COL4A1: variants seen among roughly 807,000 people sequenced by gnomAD.
COL4A1 encodes the protein collagen alpha-1(IV) chain.
In COL4A1, 40 loss-of-function variants were observed where a neutral mutation model predicts 216.6. That is an observed-to-expected ratio of 0.18 (90% CI 0.14 to 0.24). The LOEUF is 0.24. COL4A1 is among the 10% of genes least tolerant of loss of function. COL4A1 has a pLI of 1.00. For synonymous variants in COL4A1, 839 were observed against 810.7 expected (o/e 1.03, Z -0.59); for missense variants, 1,628 against 2,196.8 (o/e 0.74, Z 5.18).
intron 1 of COL4A1, among the ~76,000 whole-genome samples, chr13:110,295,422 CTTTTTTTTTTTTT>C (rs5806848): frequency 2.3e-5 from 2 of 88,186 alleles, no homozygotes; most frequent in Middle Eastern, 7.1e-3. Flanking sequence ...AGTTCACTTC[CTTTTTTTTTTTTT>C]TTTTTTTTTG....
At chr13:110,212,729 C>T in intron 4 of COL4A1, 111 bp from the exon 5 acceptor site, 1 of 1,268,074 alleles carries the variant, frequency 7.9e-7, no homozygotes, top group Non-Finnish European at 1.1e-6. Context: ...TGTCAGAACA[C>T]ACACAAAGCA....
intron 2 of COL4A1, among the ~76,000 whole-genome samples, chr13:110,219,662 G>GCA (rs1880278737): frequency 1.6e-5 from 1 of 64,506 alleles, no homozygotes; most frequent in Non-Finnish European, 3.0e-5. Flanking sequence ...ATATATATAT[G>GCA]TATATATATA....
Position 110,245,191 on chromosome 13 carries a change from C to T in COL4A1, c.85-2457G>A, listed in dbSNP as rs115724022. 1.0e-3 allele frequency among the ~76,000 whole-genome samples: 156 copies of T among 152,288 alleles called. 2 individuals carry two copies. Among genetic ancestry groups the T allele is most frequent in the African/African-American group, 3.7e-3 (155 of 41,564 alleles). ...CCGGGGACTCTGGGGAGTGCGCTGG[C>T]ATCTGGCACCTGACACCTGGAGCCG... On this transcript the variant is annotated intron_variant, in intron 1 of 51. Transcript: ENST00000375820.
chr13:110,268,225 C>T lies in COL4A1; in HGVS notation c.85-25491G>A, dbSNP rs1366034346. Among the ~76,000 whole-genome samples, 1 of 152,218 alleles carries T rather than the reference C, an allele frequency of 6.6e-6. No individual in the cohort carries two copies. The highest frequency in any genetic ancestry group is 2.4e-5 in the African/African-American group (1 of 41,458). On this transcript the variant is annotated intron_variant, in intron 1 of 51. Transcript: ENST00000375820. The surrounding 1 kb of genome is among the most constrained non-coding windows in gnomAD (Gnocchi z 4.1). The stretch of plus-strand genomic sequence containing the variant: ...ACTGTGTCCTGCCTCAGAGCACCGG[C>T]ACTGCCAGTCCAAAACCAGGAAAGG...
intron 1 of COL4A1, among the ~76,000 whole-genome samples, chr13:110,276,093 G>T (rs543174223): frequency 2.6e-5 from 4 of 151,844 alleles, no homozygotes; most frequent in African/African-American, 9.7e-5. Context: ...GCAGGTTCAC[G>T]CACTGTAGCC....
rs1230099792 is a variant in COL4A1, at chr13:110,206,689, A to G, written c.834T>C (p.Gly278=). Residue 278 remains glycine (G), a synonymous_variant, in exon 15 of 52, where the codon GGT becomes GGC. Transcript: ENST00000375820. ...FQGMPGVGEK[G]EPGKPGPRGK... is the part of the protein sequence containing the mutation. ...CTCTGGGTCCTGGTTTTCCGGGTTC[A>G]CCTTTCTCTCCGACCCCTGGCATCC... is the stretch of plus-strand genomic sequence containing the variant. The G allele has an allele frequency of 1.9e-6, 3 of 1,614,098 alleles. No homozygotes were observed. Among genetic ancestry groups the G allele is most frequent in the Non-Finnish European group, 2.5e-6 (3 of 1,180,016 alleles).
rs746773 is a variant in COL4A1, at chr13:110,251,180, G to C, written c.85-8446C>G. Among the ~76,000 whole-genome samples, 429 of 152,358 alleles carry C rather than the reference G, an allele frequency of 2.8e-3. 2 individuals carry two copies. Among genetic ancestry groups the C allele is most frequent in the African/African-American group, 9.7e-3 (404 of 41,586 alleles). On this transcript the variant is annotated intron_variant, in intron 1 of 51. Coordinates refer to ENST00000375820, the MANE Select transcript of COL4A1 (RefSeq NM_001845.6). ...CGGCTCCCGGCTGTGCTGAAGGGCA[G>C]GGAGTTCTCCCAGCTATTCCCGGTT...
rs752566255 is a variant in COL4A1, at chr13:110,207,535, T to C, written c.694-46A>G. The C allele has an allele frequency of 1.3e-6, 2 of 1,504,198 alleles. No individual in the cohort carries two copies. The highest frequency in any genetic ancestry group is 1.7e-5 in the Admixed American group (1 of 59,628). The allele number at this position is 1,504,198 out of a possible 1,614,324, so 93.2% of individuals were successfully genotyped here. ...AATTAATTAGGCATGAAAACAATTA[T>C]GCAGACATGAAAAATTGCAGAGAGA... On this transcript the variant is annotated intron_variant, in intron 12 of 51. Transcript: ENST00000375820. This position sits in a 1 kb window ranked among gnomAD's most constrained non-coding sequence, Gnocchi z 4.4.
intron 2 of COL4A1, among the ~76,000 whole-genome samples, chr13:110,214,853 T>C (rs1879992402): frequency 6.6e-6 from 1 of 152,228 alleles, no homozygotes; most frequent in Non-Finnish European, 1.5e-5. Context: ...GCATCCAGCC[T>C]TGCGCAAGTC....
rs895949915 is a variant in COL4A1, at chr13:110,155,264, C to T, written c.4755+19G>A. On this transcript the variant is annotated intron_variant, in intron 50 of 51. Transcript: ENST00000375820. ...GTGGGGCTCTTCCCGGGAAATATGG[C>T]GTCTCCCCAGACACTTACCATCACA... The T allele has an allele frequency of 2.5e-6, 4 of 1,577,298 alleles. No homozygotes were observed. Among genetic ancestry groups the T allele is most frequent in the Non-Finnish European group, 1.7e-6 (2 of 1,146,282 alleles).
chr13:110,169,749 G>A lies in COL4A1; in HGVS notation c.3756C>T (p.Pro1252=). 6.2e-7 allele frequency: 1 copy of A among 1,614,032 alleles called. No individual in the cohort carries two copies. The highest frequency in any genetic ancestry group is 8.5e-7 in the Non-Finnish European group (1 of 1,180,018). ...TCCCAGGAAGCCCTGGAGGCCCCAT[G>A]GGTCCCGGAAGTCCTAATGGAAGAG... ...GQPGLPGLPG[P]MGPPGLPGID... is the part of the protein sequence containing the mutation. The change falls in exon 43 of 52, where the codon CCC becomes CCT. Residue 1252 remains proline (P), a synonymous_variant. Transcript: ENST00000375820.
intron 1 of COL4A1, among the ~76,000 whole-genome samples, chr13:110,244,878 A>G (rs1329803770): frequency 6.6e-6 from 1 of 152,198 alleles, no homozygotes; most frequent in Non-Finnish European, 1.5e-5. Context: ...ACAATGACAC[A>G]TTATCAATTG....
Position 110,178,934 on chromosome 13 carries a change from G to A in COL4A1, c.2447C>T (p.Pro816Leu), listed in dbSNP as rs781249721. The A allele has an allele frequency of 1.5e-4, 240 of 1,610,892 alleles. No individual in the cohort carries two copies. The highest frequency in any genetic ancestry group is 1.9e-4 in the Non-Finnish European group (226 of 1,178,880). The change falls in exon 31 of 52, where the codon CCG becomes CTG. Residue 816 changes from proline to leucine, a missense_variant. Pro to Leu is a moderately conservative substitution (Grantham distance 98). Around this residue, in one of 8 missense-constraint regions of COL4A1, gnomAD observed 701 missense variants for 892.5 expected, o/e 0.79. Coordinates refer to ENST00000375820, the MANE Select transcript of COL4A1 (RefSeq NM_001845.6). Reference protein sequence around the residue: ...ARGPPGGQGPPGLSGPPGIKG... With the variant: ...ARGPPGGQGPLGLSGPPGIKG... Reference sequence around the variant, plus strand: ...AGCATGTCACTCACCTGACAACCCCGGTGGTCCCTGTCCTCCAGGGGGACC... The same window carrying A: ...AGCATGTCACTCACCTGACAACCCCAGTGGTCCCTGTCCTCCAGGGGGACC...
chr13:110,203,443 T>TC (rs1476445733), intron 18 of COL4A1, 123 bp downstream of exon 18: 2 of 1,072,350 alleles, frequency 1.9e-6, no homozygotes, highest in African/African-American at 1.6e-5. Context: ...CTCTCCTTCC[T>TC]CTCCCAGCGC....
intron 21 of COL4A1, among the ~76,000 whole-genome samples, chr13:110,196,359 A>G (rs9515165): frequency 0.26 from 40,095 of 152,152 alleles, 5,497 homozygotes; most frequent in Admixed American, 0.32. Flanking sequence ...CCATCGTCTT[A>G]AACAAAGTGG....
At chr13:110,263,070 G>T (rs1000457290) in intron 1 of COL4A1, among the ~76,000 whole-genome samples, 6 of 152,108 alleles carry the variant, frequency 3.9e-5, no homozygotes, top group Admixed American at 1.3e-4. Flanking sequence ...AACCCTGTCC[G>T]CTCTCCAAAC....
In COL4A1 at chr13:110,161,199, T is replaced by C; in HGVS notation, c.4633A>G (p.Ile1545Val). Reference sequence around the variant, plus strand: ...TACAGATGCTCGACTCACCTACTAATAAATGGTCTTATGTTTTCCCCCGTG... The same window carrying C: ...TACAGATGCTCGACTCACCTACTAACAAATGGTCTTATGTTTTCCCCCGTG... ...PITGENIRPF[I>V]SRCAVCEAPA... The change falls in exon 49 of 52, where the codon ATT becomes GTT. Residue 1545 changes from isoleucine (I) to valine (V), a missense_variant. By Grantham distance (29) the Ile-to-Val change is conservative. Around this residue, in one of 8 missense-constraint regions of COL4A1, gnomAD observed 254 missense variants for 300.1 expected, o/e 0.85. Transcript: ENST00000375820. 1 of 1,614,214 alleles carries C rather than the reference T, an allele frequency of 6.2e-7. No homozygotes were observed. Among genetic ancestry groups the C allele is most frequent in the Non-Finnish European group, 8.5e-7 (1 of 1,180,036 alleles).
At chr13:110,174,585 T>C in intron 38 of COL4A1, 38 bp downstream of exon 38, 1 of 1,614,122 alleles carries the variant, frequency 6.2e-7, no homozygotes, top group Non-Finnish European at 8.5e-7. Flanking sequence ...TTTGATTTCT[T>C]AGATTCCCCA....
chr13:110,291,640 C>T (rs947739677), intron 1 of COL4A1, among the ~76,000 whole-genome samples: 2 of 152,224 alleles, frequency 1.3e-5, no homozygotes, highest in African/African-American at 4.8e-5. Flanking sequence ...AGAGCCCTGA[C>T]TGCCCCCAAG....
Sources: allele counts gnomAD v4.1 joint callset (sites outside exome capture counted in the v4.1 genomes callset), GRCh38; gene constraint gnomAD v4.1.1; regional missense constraint gnomAD v4.1.1; non-coding constraint Gnocchi (gnomAD v3.1); transcripts MANE v1.5; gene names NCBI Gene and HGNC (gene_info 2026-07-23, HGNC 2026-07-21).